Variants in OR6N1 observed in about 807,000 individuals in gnomAD.
The protein encoded by OR6N1 is olfactory receptor 6N1.
For missense variants in OR6N1, 394 were observed against 371.7 expected, an observed-to-expected ratio of 1.06 and a Z score of -0.49; for synonymous variants, 170 against 150.7, an observed-to-expected ratio of 1.13 and a Z score of -0.94.
the OR6N1 span, among the ~76,000 whole-genome samples, chr1:158,813,406 T>C: frequency 3.3e-5 from 5 of 152,060 alleles, no homozygotes; most frequent in Non-Finnish European, 7.4e-5. Context: ...CTCCCGTTTG[T>C]GAAACAAACA....
chr1:158,811,358 ACT>A, the OR6N1 span, among the ~76,000 whole-genome samples: 1 of 152,032 alleles, frequency 6.6e-6, no homozygotes, highest in African/African-American at 2.4e-5. Context: ...ATTGTCAAAT[ACT>A]CTCTATTTGC....
At chr1:158,783,720 G>A in the OR6N1 span, among the ~76,000 whole-genome samples, 542 of 152,184 alleles carry the variant, frequency 3.6e-3, 2 homozygotes, top group African/African-American at 0.013. Context: ...TGAAGACAGG[G>A]ACTGTATTTT....
the OR6N1 span, among the ~76,000 whole-genome samples, chr1:158,825,901 T>C: frequency 1.3e-5 from 2 of 152,116 alleles, no homozygotes; most frequent in East Asian, 1.9e-4. Context: ...GTAGACTGGG[T>C]AGAGAAAATG....
the OR6N1 span, among the ~76,000 whole-genome samples, chr1:158,819,265 G>A: frequency 2.0e-5 from 3 of 152,136 alleles, no homozygotes; most frequent in African/African-American, 4.8e-5. Context: ...CTAAAATACA[G>A]TCCAGCTAGG....
chr1:158,786,687 T>A, the OR6N1 span, among the ~76,000 whole-genome samples: 2 of 152,196 alleles, frequency 1.3e-5, no homozygotes. Flanking sequence ...AACAAAATAA[T>A]GTTATTTGCA....
chr1:158,767,569 A>G (rs576030328), intron 1 of OR6N1, among the ~76,000 whole-genome samples: 3 of 152,378 alleles, frequency 2.0e-5, no homozygotes, highest in South Asian at 2.1e-4. Flanking sequence ...GACTAAACAA[A>G]TAAAATGTGG....
chr1:158,793,804 G>A, the OR6N1 span, among the ~76,000 whole-genome samples: 2 of 152,166 alleles, frequency 1.3e-5, no homozygotes, highest in Non-Finnish European at 2.9e-5. Flanking sequence ...GCTAAAGCAG[G>A]TGGGTAAATG....
chr1:158,825,999 T>A, the OR6N1 span, among the ~76,000 whole-genome samples: 1 of 152,114 alleles, frequency 6.6e-6, no homozygotes, highest in African/African-American at 2.4e-5. Flanking sequence ...CTAGAGGCCA[T>A]TATTCTAAGC....
Position 158,764,694 on chromosome 1 carries a change from T to C in OR6N1, c.*1050A>G, listed in dbSNP as rs138579995. ...GCTATTAATTGAATCCCCAGATCTC[T>C]CATATGCTACATTTTAGAATTATTT... On this transcript the variant is annotated 3_prime_UTR_variant, in exon 2 of 2. Coordinates refer to ENST00000641846, the MANE Select transcript of OR6N1 (RefSeq NM_001005185.2). 1 of 152,264 alleles carries C rather than the reference T, an allele frequency of 6.6e-6. No homozygotes were observed. Among genetic ancestry groups the C allele is most frequent in the Non-Finnish European group, 1.5e-5 (1 of 67,976 alleles). The allele number at this position is 152,264 out of a possible 1,614,324, so 9.4% of individuals were successfully genotyped here.
At chr1:158,816,802 C>T in the OR6N1 span, among the ~76,000 whole-genome samples, 1 of 152,226 alleles carries the variant, frequency 6.6e-6, no homozygotes, top group Admixed American at 6.5e-5. Context: ...GGATCTTACC[C>T]GTATGGGCCT....
the OR6N1 span, among the ~76,000 whole-genome samples, chr1:158,817,643 AGAAG>A: frequency 1.3e-5 from 2 of 152,174 alleles, no homozygotes. Context: ...TGAAGTAATG[AGAAG>A]GAAGAGAGAA....
intron 1 of OR6N1, among the ~76,000 whole-genome samples, chr1:158,771,426 T>G (rs1356649802): frequency 6.6e-6 from 1 of 152,210 alleles, no homozygotes; most frequent in Non-Finnish European, 1.5e-5. Context: ...AGATGACTTG[T>G]GCAGCTCTTT....
At chr1:158,828,561 C>T in the OR6N1 span, among the ~76,000 whole-genome samples, 1 of 152,218 alleles carries the variant, frequency 6.6e-6, no homozygotes, top group African/African-American at 2.4e-5. Context: ...CAGCTCCACC[C>T]CTGTGGTTTT....
chr1:158,821,145 G>A, the OR6N1 span, among the ~76,000 whole-genome samples: 19 of 151,936 alleles, frequency 1.3e-4, no homozygotes, highest in Non-Finnish European at 2.4e-4. Flanking sequence ...CTTCTTTTTT[G>A]TTTAATATAC....
At chr1:158,832,097 AGT>A in the OR6N1 span, among the ~76,000 whole-genome samples, 1 of 152,144 alleles carries the variant, frequency 6.6e-6, no homozygotes. Flanking sequence ...TTTTACAACA[AGT>A]GTAAGAAGAA....
At chr1:158,826,373 A>G in the OR6N1 span, among the ~76,000 whole-genome samples, 2 of 152,200 alleles carry the variant, frequency 1.3e-5, no homozygotes, top group African/African-American at 4.8e-5. Flanking sequence ...TTTGATAATT[A>G]AGAAAAGAGA....
the OR6N1 span, chr1:158,809,388 C>T: frequency 6.6e-6 from 1 of 152,252 alleles, no homozygotes; most frequent in African/African-American, 2.4e-5. Flanking sequence ...CAAGCTTCTT[C>T]CTCTATTCGT....
the OR6N1 span, among the ~76,000 whole-genome samples, chr1:158,836,464 G>A: frequency 2.6e-5 from 4 of 151,942 alleles, no homozygotes; most frequent in South Asian, 4.1e-4. Context: ...CAGGTTGTAT[G>A]TTTCTAATAA....
At chr1:158,785,078 A>G in the OR6N1 span, among the ~76,000 whole-genome samples, 4 of 152,170 alleles carry the variant, frequency 2.6e-5, no homozygotes, top group Non-Finnish European at 5.9e-5. Flanking sequence ...AGTGCTACAT[A>G]CTTATTGCCT....
Sources: gnomAD v4.1 joint callset for allele counts (sites outside exome capture counted in the v4.1 genomes callset) on GRCh38, gnomAD v4.1.1 for gene constraint, MANE v1.5 for transcripts, NCBI Gene and HGNC (gene_info 2026-07-23, HGNC 2026-07-21) for gene names.